PLPPR1: variants seen among roughly 807,000 people sequenced by gnomAD.
PLPPR1 encodes phospholipid phosphatase-related protein type 1.
Under a neutral mutation model 33.1 loss-of-function variants are expected in PLPPR1, and 10 were observed. That is an observed-to-expected ratio of 0.30 (90% confidence interval 0.19 to 0.51). The LOEUF (loss-of-function observed/expected upper bound fraction) is 0.51. Among genes scored for constraint, PLPPR1 ranks in the 20% least tolerant of loss-of-function variants. PLPPR1 has a pLI of 0.97. For missense variants in PLPPR1, 304 were observed against 408.1 expected, an observed-to-expected ratio of 0.74 and a Z score of 2.20; for synonymous variants, 151 against 151.0, an observed-to-expected ratio of 1.00 and a Z score of 0.00.
chr9:101,080,457 A>G (rs892634267), intron 1 of PLPPR1, among the ~76,000 whole-genome samples: 1 of 152,142 alleles, frequency 6.6e-6, no homozygotes, highest in African/African-American at 2.4e-5. Context: ...TGAGGCTGCA[A>G]TGAGCCATGA....
At chr9:101,211,040 T>C (rs1316258516) in intron 2 of PLPPR1, among the ~76,000 whole-genome samples, 3 of 152,340 alleles carry the variant, frequency 2.0e-5, no homozygotes. Context: ...GTGCTGGGAT[T>C]ACAGGCGTAA....
At chr9:101,304,816 G>C (rs939786816) in intron 4 of PLPPR1, among the ~76,000 whole-genome samples, 17 of 152,140 alleles carry the variant, frequency 1.1e-4, no homozygotes, top group African/African-American at 4.1e-4. Flanking sequence ...TGTCCTCACT[G>C]TGTGGCTCAT....
At chr9:101,297,709 A>C (rs1828674490) in intron 4 of PLPPR1, among the ~76,000 whole-genome samples, 1 of 152,228 alleles carries the variant, frequency 6.6e-6, no homozygotes, top group South Asian at 2.1e-4. Flanking sequence ...TGGCTAAACT[A>C]ACAAATTTTA....
At chr9:101,148,160 C>T (rs1395968906) in intron 1 of PLPPR1, among the ~76,000 whole-genome samples, 6 of 152,122 alleles carry the variant, frequency 3.9e-5, no homozygotes, top group African/African-American at 1.4e-4. Flanking sequence ...ATACTCTCTC[C>T]TCTGGAATGT....
At chr9:101,182,967 G>A (rs1238613841) in intron 1 of PLPPR1, among the ~76,000 whole-genome samples, 1 of 151,642 alleles carries the variant, frequency 6.6e-6, no homozygotes, top group South Asian at 2.1e-4. Flanking sequence ...CAGTAGAATA[G>A]CTATAATAAA....
chr9:101,189,501 T>C (rs139013522), intron 2 of PLPPR1, among the ~76,000 whole-genome samples: 42 of 152,274 alleles, frequency 2.8e-4, no homozygotes, highest in African/African-American at 1.0e-3. Flanking sequence ...ATGAGGCATG[T>C]CTGACCCTCC....
intron 1 of PLPPR1, among the ~76,000 whole-genome samples, chr9:101,054,841 A>C (rs1830263101): frequency 6.6e-6 from 1 of 152,194 alleles, no homozygotes; most frequent in African/African-American, 2.4e-5. Context: ...GAAAAGACAG[A>C]ATGGGAATTG....
intron 1 of PLPPR1, among the ~76,000 whole-genome samples, chr9:101,161,984 G>A (rs991595797): frequency 4.6e-5 from 7 of 151,906 alleles, no homozygotes; most frequent in African/African-American, 1.5e-4. Context: ...GGTAAAGTAG[G>A]AAGCCCTCTG....
intron 1 of PLPPR1, among the ~76,000 whole-genome samples, chr9:101,056,523 T>C (rs1267317822): frequency 6.6e-6 from 1 of 152,196 alleles, no homozygotes; most frequent in East Asian, 1.9e-4. Flanking sequence ...TATTTTTGTT[T>C]TTCTGTAGCA....
chr9:101,287,808 C>T (rs1029589573), intron 4 of PLPPR1, among the ~76,000 whole-genome samples: 10 of 152,048 alleles, frequency 6.6e-5, no homozygotes, highest in African/African-American at 1.7e-4. Context: ...GCCCCTGTAA[C>T]GTATTTCATA....
chr9:101,066,151 T>C (rs1830410629), intron 1 of PLPPR1, among the ~76,000 whole-genome samples: 2 of 152,056 alleles, frequency 1.3e-5, no homozygotes, highest in Non-Finnish European at 1.5e-5. Context: ...TTTTGAGGAA[T>C]GCTGGTCAGA....
At chr9:101,304,567 A>G (rs1828812506) in intron 4 of PLPPR1, among the ~76,000 whole-genome samples, 1 of 152,256 alleles carries the variant, frequency 6.6e-6, no homozygotes, top group South Asian at 2.1e-4. Flanking sequence ...TAATGGTACC[A>G]TACTAGTCTA....
At chr9:101,242,512 T>C (rs1417155315) in intron 2 of PLPPR1, among the ~76,000 whole-genome samples, 1 of 152,058 alleles carries the variant, frequency 6.6e-6, no homozygotes, top group Non-Finnish European at 1.5e-5. Flanking sequence ...GATTTCCATT[T>C]CTTCAATCAT....
At chr9:101,060,816 T>G (rs1418187113) in intron 1 of PLPPR1, among the ~76,000 whole-genome samples, 1 of 151,898 alleles carries the variant, frequency 6.6e-6, no homozygotes, top group Admixed American at 6.6e-5. Flanking sequence ...TTAAAACACT[T>G]TCAAAATTTC....
chr9:101,185,546 A>T lies in PLPPR1; in HGVS notation c.52A>T (p.Ile18Leu). 2 of 1,607,336 alleles carry T rather than the reference A, an allele frequency of 1.2e-6. No homozygotes were observed. Among genetic ancestry groups the T allele is most frequent in the Non-Finnish European group, 1.7e-6 (2 of 1,175,144 alleles). ...AAGTTATTCCATCATCCCGTGTTTT[A>T]TATTTGTTGAGGTATGTGTATTTTT... ...QRSYSIIPCFIFVELVIMAGT... is the reference protein window; with the variant it reads ...QRSYSIIPCFLFVELVIMAGT... The change falls in exon 2 of 8, where the codon ATA (isoleucine) becomes TTA (leucine). Residue 18 changes from isoleucine (I) to leucine (L), a missense_variant. Physicochemically the swap from Ile to Leu is conservative, Grantham distance 5. Coordinates refer to ENST00000374874, the MANE Select transcript of PLPPR1 (RefSeq NM_207299.2).
intron 1 of PLPPR1, among the ~76,000 whole-genome samples, chr9:101,114,966 T>G (rs1259478016): frequency 6.6e-6 from 1 of 152,158 alleles, no homozygotes; most frequent in Non-Finnish European, 1.5e-5. Flanking sequence ...GTCTCCTTTT[T>G]ATTTTGTTAT....
Position 101,044,169 on chromosome 9 carries a change from A to AAAAC in PLPPR1, c.-46+15086_-46+15089dup, listed in dbSNP as rs562225466. Among the ~76,000 whole-genome samples, 262 of 152,336 alleles carry AAAAC rather than the reference A, an allele frequency of 1.7e-3. 1 individual carries two copies. Among genetic ancestry groups the AAAAC allele is most frequent in the African/African-American group, 5.9e-3 (244 of 41,586 alleles). ...AAGGAACGCAAACAAATTAGCAAGA[A>AAAAC]AAACAAACAAACAAACAAACAATAC... On this transcript the variant is annotated intron_variant, in intron 1 of 7. Coordinates refer to ENST00000374874, the MANE Select transcript of PLPPR1 (RefSeq NM_207299.2).
At chr9:101,282,741 T>A (rs1828326092) in intron 3 of PLPPR1, among the ~76,000 whole-genome samples, 1 of 152,156 alleles carries the variant, frequency 6.6e-6, no homozygotes, top group African/African-American at 2.4e-5. Flanking sequence ...ATCAGTAGCA[T>A]TTCTATATAT....
intron 2 of PLPPR1, among the ~76,000 whole-genome samples, chr9:101,222,136 G>A (rs1432685784): frequency 6.6e-6 from 1 of 152,180 alleles, no homozygotes; most frequent in Non-Finnish European, 1.5e-5. Context: ...GGGCAGCCCT[G>A]CAGCAACTTG....
Sources: gnomAD v4.1 joint callset for allele counts (sites outside exome capture counted in the v4.1 genomes callset) on GRCh38, gnomAD v4.1.1 for gene constraint, MANE v1.5 for transcripts, NCBI Gene and HGNC (gene_info 2026-07-23, HGNC 2026-07-21) for gene names.